The following SLC24A3 variants were observed in gnomAD, a reference collection of about 807,000 sequenced individuals.
The protein encoded by SLC24A3 is sodium/potassium/calcium exchanger 3.
A neutral mutation model predicts 75.8 loss-of-function variants in SLC24A3; 28 were observed. That is an observed-to-expected ratio of 0.37 (90% CI 0.27 to 0.51). The LOEUF (loss-of-function observed/expected upper bound fraction) is 0.51. SLC24A3 is among the 20% of genes least tolerant of loss of function. The pLI, the probability that SLC24A3 is intolerant of heterozygous loss-of-function variation, is 0.94. For missense variants in SLC24A3, 663 were observed against 847.8 expected (o/e 0.78, Z 2.71); for synonymous variants, 372 against 334.1 (o/e 1.11, Z -1.24).
At chr20:19,463,453 T>C (rs1333400013) in intron 2 of SLC24A3, among the ~76,000 whole-genome samples, 2 of 152,226 alleles carry the variant, frequency 1.3e-5, no homozygotes, top group Admixed American at 6.5e-5. Flanking sequence ...ACTGTGTTTT[T>C]CTATTCGCAA....
At chr20:19,242,696 C>G (rs1377335046) in intron 1 of SLC24A3, 1 of 152,140 alleles carries the variant, frequency 6.6e-6, no homozygotes, top group Non-Finnish European at 1.5e-5. Flanking sequence ...ATGTTATAGA[C>G]ATTTCAAAGG....
intron 1 of SLC24A3, among the ~76,000 whole-genome samples, chr20:19,232,202 A>G (rs546024764): frequency 6.6e-6 from 1 of 152,240 alleles, no homozygotes; most frequent in Non-Finnish European, 1.5e-5. Flanking sequence ...GTGTTTGGTC[A>G]TATGTGTAAA....
intron 1 of SLC24A3, among the ~76,000 whole-genome samples, chr20:19,222,027 C>T (rs1355600563): frequency 6.6e-6 from 1 of 152,094 alleles, no homozygotes; most frequent in African/African-American, 2.4e-5. Context: ...TCTCTTCTCT[C>T]CAATTTCTCT....
intron 6 of SLC24A3, among the ~76,000 whole-genome samples, chr20:19,610,690 G>C (rs2031660709): frequency 6.6e-6 from 1 of 152,198 alleles, no homozygotes; most frequent in African/African-American, 2.4e-5. Flanking sequence ...CACTGCTCTG[G>C]ACACCAAGGT....
chr20:19,296,888 CAA>C (rs1171788965), intron 2 of SLC24A3, among the ~76,000 whole-genome samples: 5 of 152,266 alleles, frequency 3.3e-5, no homozygotes, highest in South Asian at 2.1e-4. Flanking sequence ...GAAAACATAA[CAA>C]AGAGTCTCTC....
chr20:19,654,347 T>C (rs899630984), intron 7 of SLC24A3, among the ~76,000 whole-genome samples: 1 of 152,036 alleles, frequency 6.6e-6, no homozygotes, highest in African/African-American at 2.4e-5. Flanking sequence ...CATTTAGACT[T>C]GGGTTATCTG....
At chr20:19,656,135 A>T (rs1314685598) in intron 7 of SLC24A3, among the ~76,000 whole-genome samples, 1 of 152,192 alleles carries the variant, frequency 6.6e-6, no homozygotes, top group Non-Finnish European at 1.5e-5. Flanking sequence ...ATGAGGGTTG[A>T]CGTGAGATTT....
chr20:19,526,493 C>A (rs1368723169), intron 3 of SLC24A3, among the ~76,000 whole-genome samples: 1 of 152,216 alleles, frequency 6.6e-6, no homozygotes, highest in African/African-American at 2.4e-5. Context: ...TTGGATCAGG[C>A]TATGGTCACT....
chr20:19,581,684 T>C (rs1357406958), intron 4 of SLC24A3, among the ~76,000 whole-genome samples: 1 of 152,184 alleles, frequency 6.6e-6, no homozygotes, highest in Non-Finnish European at 1.5e-5. Context: ...AGGTGACTGA[T>C]ATTATCCCCT....
chr20:19,717,397 C>G, intron 15 of SLC24A3, 131 bp from the exon 16 acceptor site: 1 of 830,646 alleles, frequency 1.2e-6, no homozygotes, highest in Non-Finnish European at 1.9e-6. Context: ...GAAGCTGTTG[C>G]TTTTTCATTC....
At chr20:19,474,305 C>T (rs1255856903) in intron 2 of SLC24A3, among the ~76,000 whole-genome samples, 1 of 152,152 alleles carries the variant, frequency 6.6e-6, no homozygotes, top group Non-Finnish European at 1.5e-5. Context: ...TGCCTGGTAT[C>T]CAGAGAATGG....
chr20:19,624,804 C>T (rs997357128), intron 6 of SLC24A3, among the ~76,000 whole-genome samples: 6 of 152,204 alleles, frequency 3.9e-5, no homozygotes, highest in African/African-American at 1.4e-4. Context: ...ATACAGCTCC[C>T]ACTCATTGAG....
chr20:19,230,529 G>A (rs562309444), intron 1 of SLC24A3, among the ~76,000 whole-genome samples: 4 of 152,182 alleles, frequency 2.6e-5, no homozygotes, highest in African/African-American at 9.6e-5. Flanking sequence ...ATCTCCAGAA[G>A]GCTCCATACC....
chr20:19,506,723 T>C (rs1020506393), intron 2 of SLC24A3, among the ~76,000 whole-genome samples: 4 of 151,486 alleles, frequency 2.6e-5, no homozygotes, highest in Non-Finnish European at 4.4e-5. Context: ...TCAAAGAGAG[T>C]CCCCTTGCTC....
At chr20:19,577,123 C>T (rs11906265) in intron 3 of SLC24A3, among the ~76,000 whole-genome samples, 4,167 of 151,736 alleles carry the variant, frequency 0.027, 188 homozygotes, top group African/African-American at 0.094. Context: ...GGCGCGATCT[C>T]GGCTCATGGC....
chr20:19,223,506 G>A (rs6112260), intron 1 of SLC24A3, among the ~76,000 whole-genome samples: 10,665 of 152,152 alleles, frequency 0.07, 467 homozygotes, highest in Middle Eastern at 0.11. Context: ...GTGAATGCCC[G>A]AAACCATGGA....
intron 3 of SLC24A3, among the ~76,000 whole-genome samples, chr20:19,549,986 G>C (rs62200439): frequency 0.037 from 5,579 of 152,204 alleles, 118 homozygotes; most frequent in East Asian, 0.079. Flanking sequence ...ACTTTGAATT[G>C]TGACATTTAT....
At chr20:19,323,723 C>G (rs537762032) in intron 2 of SLC24A3, among the ~76,000 whole-genome samples, 13 of 152,270 alleles carry the variant, frequency 8.5e-5, no homozygotes, top group African/African-American at 2.9e-4. Flanking sequence ...ATGGAACCTT[C>G]TATCAGAGAA....
intron 4 of SLC24A3, 63 bp from the exon 5 acceptor site, chr20:19,584,908 C>A: frequency 6.7e-7 from 1 of 1,491,986 alleles, no homozygotes; most frequent in Non-Finnish European, 9.2e-7. Context: ...TCGGGTGTCA[C>A]AGTCACCTCT....
Sources: gnomAD v4.1 joint callset for allele counts (sites outside exome capture counted in the v4.1 genomes callset) on GRCh38, gnomAD v4.1.1 for gene constraint, MANE v1.5 for transcripts, NCBI Gene and HGNC (gene_info 2026-07-23, HGNC 2026-07-21) for gene names.